The following ZNRF2 variants were observed in gnomAD, a reference collection of about 807,000 sequenced individuals.
ZNRF2 encodes the protein E3 ubiquitin-protein ligase ZNRF2.
ZNRF2 carries 16 observed loss-of-function variants against 20.4 expected under a neutral mutation model. That is an observed-to-expected ratio of 0.79 (90% confidence interval 0.53 to 1.19). The LOEUF is 1.19. Among genes scored for constraint, ZNRF2 ranks in the 50% most tolerant of loss-of-function variants. ZNRF2 has a pLI of 0.00. For synonymous variants in ZNRF2, 178 were observed against 144.9 expected, an observed-to-expected ratio of 1.23 and a Z score of -1.64; for missense variants, 363 against 332.4, an observed-to-expected ratio of 1.09 and a Z score of -0.72.
At chr7:30,344,933 T>C (rs1799854413) in intron 2 of ZNRF2, among the ~76,000 whole-genome samples, 1 of 152,220 alleles carries the variant, frequency 6.6e-6, no homozygotes, top group Middle Eastern at 3.2e-3. Context: ...TAATAATGTG[T>C]TTCTGTGGAG....
intron 1 of ZNRF2, chr7:30,288,684 A>C (rs576205728): frequency 6.6e-6 from 1 of 152,244 alleles, no homozygotes; most frequent in Non-Finnish European, 1.5e-5. Flanking sequence ...TTGAGTTGCC[A>C]GACATCAGAA....
intron 1 of ZNRF2, among the ~76,000 whole-genome samples, chr7:30,293,817 G>A (rs989094587): frequency 1.3e-4 from 20 of 152,212 alleles, no homozygotes; most frequent in African/African-American, 4.8e-4. Context: ...GAAAATATTA[G>A]TGTGTCAGAA....
At chr7:30,295,705 G>A (rs1799009104) in intron 1 of ZNRF2, among the ~76,000 whole-genome samples, 1 of 152,184 alleles carries the variant, frequency 6.6e-6, no homozygotes, top group African/African-American at 2.4e-5. Context: ...ATGAGACTCT[G>A]TCTCAAAACA....
chr7:30,335,894 G>A (rs181095847), intron 2 of ZNRF2, among the ~76,000 whole-genome samples: 1 of 152,084 alleles, frequency 6.6e-6, no homozygotes, highest in African/African-American at 2.4e-5. Context: ...GTGTTGGAAG[G>A]GGGGAAAGAG....
chr7:30,351,312 G>A (rs966668757), intron 2 of ZNRF2, among the ~76,000 whole-genome samples: 8 of 151,824 alleles, frequency 5.3e-5, no homozygotes, highest in African/African-American at 1.9e-4. Context: ...AGTTGCACAG[G>A]CCACATTTCA....
At chr7:30,305,462 T>G (rs1799185362) in intron 1 of ZNRF2, among the ~76,000 whole-genome samples, 1 of 152,182 alleles carries the variant, frequency 6.6e-6, no homozygotes, top group Non-Finnish European at 1.5e-5. Context: ...TTCATGTAGA[T>G]AGTATTTTTG....
At chr7:30,333,945 G>A (rs532450012) in intron 2 of ZNRF2, among the ~76,000 whole-genome samples, 31 of 152,182 alleles carry the variant, frequency 2.0e-4, no homozygotes, top group African/African-American at 6.7e-4. Flanking sequence ...TCTGTAGGTG[G>A]TCTTTTTACT....
At position 30,360,690 on chromosome 7, in the gene ZNRF2, G is replaced by A. The variant is rs184686063; in HGVS notation, c.672-1687G>A. Among the ~76,000 whole-genome samples, 497 of 152,122 alleles carry A rather than the reference G, an allele frequency of 3.3e-3. 4 individuals are homozygous for A. The highest frequency in any genetic ancestry group is 0.011 in the African/African-American group (466 of 41,506). On this transcript the variant is annotated intron_variant, in intron 3 of 4. Transcript: ENST00000323037. ...AGGCTGGGCGACAGAGCAAGACTCC[G>A]TCTCAAAAAACAAAAAGCGAAAATG...
At chr7:30,308,502 C>G (rs1309231908) in intron 1 of ZNRF2, among the ~76,000 whole-genome samples, 1 of 152,152 alleles carries the variant, frequency 6.6e-6, no homozygotes, top group African/African-American at 2.4e-5. Context: ...GTGGGCTCCA[C>G]CCTCAATCAG....
chr7:30,347,061 T>C (rs2127953970), intron 2 of ZNRF2, among the ~76,000 whole-genome samples: 1 of 152,274 alleles, frequency 6.6e-6, no homozygotes, highest in East Asian at 1.9e-4. Flanking sequence ...TTCCTTCCTG[T>C]CTTCCCTCAT....
intron 2 of ZNRF2, among the ~76,000 whole-genome samples, chr7:30,350,187 A>G (rs892614301): frequency 6.6e-6 from 1 of 151,998 alleles, no homozygotes; most frequent in Non-Finnish European, 1.5e-5. Context: ...TAGCTTTTAG[A>G]GTTTGTGATT....
chr7:30,286,517 T>A (rs1287359851), intron 1 of ZNRF2, among the ~76,000 whole-genome samples: 5 of 152,192 alleles, frequency 3.3e-5, no homozygotes, highest in African/African-American at 1.2e-4. Flanking sequence ...CAAGGTACAA[T>A]AATTGGCTAG....
intron 2 of ZNRF2, among the ~76,000 whole-genome samples, chr7:30,328,096 A>G (rs888052595): frequency 1.3e-5 from 2 of 152,112 alleles, no homozygotes; most frequent in African/African-American, 4.8e-5. Flanking sequence ...GTACTTTCCT[A>G]TCATAGGCAA....
intron 1 of ZNRF2, among the ~76,000 whole-genome samples, chr7:30,310,055 G>C (rs1799268677): frequency 6.6e-6 from 1 of 152,152 alleles, no homozygotes; most frequent in African/African-American, 2.4e-5. Flanking sequence ...AGAGGTTACT[G>C]CCATAGTCCA....
In ZNRF2 at chr7:30,366,325, C is replaced by T. The variant is rs112241149; in HGVS notation, c.*313C>T. ...TACTGATAAACATTTTGTATTCAGA[C>T]GCCAAAGTTAACTGATTTAAAAGTT... On this transcript the variant is annotated 3_prime_UTR_variant, in exon 5 of 5. Transcript: ENST00000323037. 472 of 152,668 alleles carry T rather than the reference C, an allele frequency of 3.1e-3. 2 individuals are homozygous for T. The highest frequency in any genetic ancestry group is 6.8e-3 in the Middle Eastern group (2 of 294). 9.5% of individuals were successfully genotyped at this position (152,668 alleles called of 1,614,324 possible). A position where few individuals can be genotyped will look rare whatever the true frequency, so the allele number is the denominator to read the frequency against.
At chr7:30,315,712 A>C (rs1319988695) in intron 1 of ZNRF2, among the ~76,000 whole-genome samples, 2 of 94,730 alleles carry the variant, frequency 2.1e-5, no homozygotes, top group African/African-American at 7.5e-5. Context: ...TCCCTAACTA[A>C]AGAAAAAGGT....
rs542863461 is a variant in ZNRF2, at chr7:30,355,530, A to G, written c.566-198A>G. ...TAAAATAGAAATGAAAACGTGAGAC[A>G]ATGGAAGTAAAGGTAAACATTATTC... On this transcript the variant is annotated intron_variant, in intron 2 of 4. Coordinates refer to ENST00000323037, the MANE Select transcript of ZNRF2 (RefSeq NM_147128.4). Among the ~76,000 whole-genome samples the G allele has an allele frequency of 3.9e-5, 6 of 152,308 alleles. No homozygotes were observed. In the East Asian group the frequency reaches 1.2e-3, roughly 29 times the overall value.
chr7:30,288,906 A>C (rs1461006131), intron 1 of ZNRF2: 1 of 152,176 alleles, frequency 6.6e-6, no homozygotes, highest in Non-Finnish European at 1.5e-5. Context: ...ATTTACGTCT[A>C]CGTTTTTTTT....
At chr7:30,344,265 G>C (rs1016243798) in intron 2 of ZNRF2, among the ~76,000 whole-genome samples, 2 of 150,606 alleles carry the variant, frequency 1.3e-5, no homozygotes, top group African/African-American at 4.9e-5. Flanking sequence ...AAATAACTGT[G>C]TTGTTTCTTT....
Sources: allele counts gnomAD v4.1 joint callset (sites outside exome capture counted in the v4.1 genomes callset), GRCh38; gene constraint gnomAD v4.1.1; transcripts MANE v1.5; gene names NCBI Gene and HGNC (gene_info 2026-07-23, HGNC 2026-07-21).